Variants in THTPA observed in about 807,000 individuals in gnomAD.
The protein encoded by THTPA is thiamine triphosphatase, also known as thiamine-triphosphatase.
A neutral mutation model predicts 16.5 loss-of-function variants in THTPA; 16 were observed. The ratio of observed to expected loss-of-function variants is 0.97; its 90% CI spans 0.66 to 1.47. The LOEUF (loss-of-function observed/expected upper bound fraction) is 1.47. Among genes scored for constraint, THTPA ranks in the 40% most tolerant of loss-of-function variants. The probability of loss-of-function intolerance (pLI) is 0.00; values close to 1 mark genes in which losing one functional copy is unlikely to be tolerated. For missense variants in THTPA, 281 were observed against 280.9 expected, an observed-to-expected ratio of 1.00 and a Z score of 0.00; for synonymous variants, 110 against 115.5, an observed-to-expected ratio of 0.95 and a Z score of 0.30.
At chr14:23,541,877 A>C in the THTPA span, among the ~76,000 whole-genome samples, 1 of 152,212 alleles carries the variant, frequency 6.6e-6, no homozygotes, top group African/African-American at 2.4e-5. Context: ...CAGTACTTTG[A>C]TTCTTCCCTT....
chr14:23,525,494 C>T, the THTPA span: 3 of 1,535,844 alleles, frequency 2.0e-6, no homozygotes, highest in South Asian at 3.6e-5. The surrounding 1 kb of genome is among the most constrained non-coding windows in gnomAD (Gnocchi z 5.9). Flanking sequence ...CCCACAGGCC[C>T]CACAGGCCAG....
At chr14:23,531,089 C>G in the THTPA span, 1 of 162,708 alleles carries the variant, frequency 6.1e-6, no homozygotes, top group Non-Finnish European at 1.3e-5. Flanking sequence ...TTGGATCATG[C>G]CCACAGCTCC....
the THTPA span, chr14:23,542,300 G>A: frequency 2.0e-5 from 3 of 152,582 alleles, no homozygotes; most frequent in Non-Finnish European, 2.9e-5. Flanking sequence ...AAAAGGGTAG[G>A]CTCAGGAAGA....
Position 23,557,488 on chromosome 14 carries a change from G to A in THTPA, c.547+184G>A, listed in dbSNP as rs969433080. On this transcript the variant is annotated intron_variant, in intron 1 of 1. Coordinates refer to ENST00000288014, the MANE Select transcript of THTPA (RefSeq NM_024328.6). ...TGGACTCAAGCAATTTGCCTGCCTC[G>A]GCCTTCCAAAGTGCTGGGATTACAG... is the stretch of plus-strand genomic sequence containing the variant. Among the ~76,000 whole-genome samples, 4 of 152,180 alleles carry A rather than the reference G, an allele frequency of 2.6e-5. No individual in the cohort carries two copies. In the South Asian group the frequency reaches 8.3e-4, roughly 32 times the overall value.
the THTPA span, chr14:23,528,576 C>T: frequency 1.0e-6 from 1 of 984,056 alleles, no homozygotes; most frequent in South Asian, 4.7e-5. Flanking sequence ...CAGAGGCTCC[C>T]TTGTCCCTGC....
chr14:23,537,150 G>A, the THTPA span, among the ~76,000 whole-genome samples: 2 of 151,912 alleles, frequency 1.3e-5, no homozygotes, highest in African/African-American at 2.4e-5. Flanking sequence ...ATGAAACTCC[G>A]TCTCACCAAA....
Position 23,557,189 on chromosome 14 carries a change from G to A in THTPA, c.432G>A (p.Val144=). The change falls in exon 1 of 2, where the codon GTG becomes GTA. Residue 144 remains valine, a synonymous_variant. Transcript: ENST00000288014. ...ATGAAGAGGAGCCACAGCTCAGGGT[G>A]GACTTGGATACAGCCGACTTTGGCT... The part of the protein sequence containing the change: ...GADEEEPQLR[V]DLDTADFGYA... 1 of 1,614,132 alleles carries A rather than the reference G, an allele frequency of 6.2e-7. No individual in the cohort carries two copies. The highest frequency in any genetic ancestry group is 8.5e-7 in the Non-Finnish European group (1 of 1,180,020).
Position 23,557,212 on chromosome 14 carries a change from G to C in THTPA, c.455G>C (p.Gly152Ala), listed in dbSNP as rs762916914. The change falls in exon 1 of 2, where the codon GGC (glycine) becomes GCC (alanine). Residue 152 changes from glycine to alanine, a missense_variant. Gly to Ala is a moderately conservative substitution (Grantham distance 60). Transcript: ENST00000288014. ...GTGGACTTGGATACAGCCGACTTTG[G>C]CTACGCTGTGGGTGAGGTAGAGGCC... ...LRVDLDTADFGYAVGEVEALV... is the reference protein window; with the variant it reads ...LRVDLDTADFAYAVGEVEALV... 6.2e-7 allele frequency: 1 copy of C among 1,613,894 alleles called. No individual in the cohort carries two copies. The highest frequency in any genetic ancestry group is 1.1e-5 in the South Asian group (1 of 91,066).
the THTPA span, chr14:23,525,355 G>A: frequency 6.5e-7 from 1 of 1,536,150 alleles, no homozygotes; most frequent in South Asian, 1.2e-5. The surrounding 1 kb of genome is among the most constrained non-coding windows in gnomAD (Gnocchi z 5.9). Context: ...GCTCTGCAAG[G>A]GGCGGGTATA....
In THTPA at chr14:23,560,179, C is replaced by T. The variant is rs1166515369; in HGVS notation, c.*1339C>T. 1 of 1,560,296 alleles carries T rather than the reference C, an allele frequency of 6.4e-7. No homozygotes were observed. The highest frequency in any genetic ancestry group is 1.4e-5 in the African/African-American group (1 of 73,834). On this transcript the variant is annotated 3_prime_UTR_variant, in exon 2 of 2. Coordinates refer to ENST00000288014, the MANE Select transcript of THTPA (RefSeq NM_024328.6). Reference sequence around the variant, plus strand: ...GACTCAATCCCATCTCACACTGTCTCCCACCCACCTCCTCCACTTAGTGGC... The same window carrying T: ...GACTCAATCCCATCTCACACTGTCTTCCACCCACCTCCTCCACTTAGTGGC...
chr14:23,516,244 CACTGTTCTGAGAGAT>C, the THTPA span, among the ~76,000 whole-genome samples: 1 of 152,208 alleles, frequency 6.6e-6, no homozygotes, highest in Non-Finnish European at 1.5e-5. Context: ...CGTTGAAAAA[CACTGTTCTGAGAGAT>C]GGCAGTCACC....
At chr14:23,527,901 CTTTTTTTT>C in the THTPA span, 49 of 448,934 alleles carry the variant, frequency 1.1e-4, no homozygotes, top group Admixed American at 2.0e-4. Flanking sequence ...GCCCCCACTC[CTTTTTTTT>C]TTTTTTTTTT....
At chr14:23,516,046 G>A in the THTPA span, among the ~76,000 whole-genome samples, 1 of 152,120 alleles carries the variant, frequency 6.6e-6, no homozygotes, top group Non-Finnish European at 1.5e-5. Flanking sequence ...GGGGTAGCAG[G>A]GTTGGTCCCT....
In THTPA at chr14:23,559,705, G is replaced by C. The variant is rs1475449896; in HGVS notation, c.*865G>C. 6.3e-7 allele frequency: 1 copy of C among 1,598,178 alleles called. No homozygotes were observed. The highest frequency in any genetic ancestry group is 8.6e-7 in the Non-Finnish European group (1 of 1,168,222). On this transcript the variant is annotated 3_prime_UTR_variant, in exon 2 of 2. Transcript: ENST00000288014. ...AGGTTCGAAGCTGCTGGGGCCCCCTGGGGTTTGGGACACAGGAGAATTTCA... is the reference window on the plus strand; with the variant it reads ...AGGTTCGAAGCTGCTGGGGCCCCCTCGGGTTTGGGACACAGGAGAATTTCA...
rs759689363 is a variant in THTPA at position 23,560,213 on chromosome 14, C to T, written c.*1373C>T. 1 of 1,605,588 alleles carries T rather than the reference C, an allele frequency of 6.2e-7. No homozygotes were observed. On this transcript the variant is annotated 3_prime_UTR_variant, in exon 2 of 2. Coordinates refer to ENST00000288014, the MANE Select transcript of THTPA (RefSeq NM_024328.6). ...CTCCTCCACTTAGTGGCCTTTTCTC[C>T]TGGAGTCCCCAGGCCACCTCTGAAC... is the stretch of plus-strand genomic sequence containing the variant.
the THTPA span, among the ~76,000 whole-genome samples, chr14:23,539,322 C>T: frequency 6.6e-6 from 1 of 151,926 alleles, no homozygotes; most frequent in African/African-American, 2.4e-5. Context: ...GGAGTTAATG[C>T]CCTACAAACA....
chr14:23,531,360 G>A, the THTPA span: 5 of 1,295,142 alleles, frequency 3.9e-6, no homozygotes, highest in East Asian at 2.9e-5. Flanking sequence ...TTCCCATTTA[G>A]TATAGGTGGC....
At chr14:23,542,446 G>A in the THTPA span, among the ~76,000 whole-genome samples, 2 of 152,156 alleles carry the variant, frequency 1.3e-5, no homozygotes, top group African/African-American at 4.8e-5. Context: ...TCCAGGAGAG[G>A]AGGCATCTCC....
At chr14:23,523,457 C>T in the THTPA span, 3 of 1,535,852 alleles carry the variant, frequency 2.0e-6, no homozygotes, top group South Asian at 1.2e-5. This position sits in a 1 kb window ranked among gnomAD's most constrained non-coding sequence, Gnocchi z 4.1. Context: ...GAGATGGCCT[C>T]GGCAGGAGAC....
Sources: allele counts gnomAD v4.1 joint callset (sites outside exome capture counted in the v4.1 genomes callset), GRCh38; gene constraint gnomAD v4.1.1; non-coding constraint Gnocchi (gnomAD v3.1); transcripts MANE v1.5; gene names NCBI Gene and HGNC (gene_info 2026-07-23, HGNC 2026-07-21).